The following SNRK variants were observed in gnomAD, a reference collection of about 807,000 sequenced individuals.
The protein encoded by SNRK is SNF-related serine/threonine-protein kinase.
A neutral mutation model predicts 48.2 loss-of-function variants in SNRK; 3 were observed. The observed-to-expected ratio is 0.06, with a 90% CI of 0.03 to 0.16. The LOEUF is 0.16. Ranked by LOEUF, SNRK falls within the 10% of genes least tolerant of loss-of-function variation. SNRK has a pLI of 1.00. For missense variants in SNRK, 627 were observed against 976.0 expected (o/e 0.64, Z 4.76); for synonymous variants, 376 against 366.1 (o/e 1.03, Z -0.31).
intron 1 of SNRK, among the ~76,000 whole-genome samples, chr3:43,292,652 G>A (rs1402122879): frequency 6.6e-6 from 1 of 152,114 alleles, no homozygotes; most frequent in Non-Finnish European, 1.5e-5. Flanking sequence ...TCCTAAGCCA[G>A]CCAGCTGTAG....
intron 3 of SNRK, among the ~76,000 whole-genome samples, chr3:43,314,570 C>G (rs1210142824): frequency 1.3e-5 from 2 of 152,052 alleles, no homozygotes; most frequent in Non-Finnish European, 2.9e-5. Flanking sequence ...TAGACTCTTT[C>G]CTATAAAAGA....
At chr3:43,312,777 AT>A (rs2090987904) in intron 3 of SNRK, among the ~76,000 whole-genome samples, 1 of 152,208 alleles carries the variant, frequency 6.6e-6, no homozygotes, top group Non-Finnish European at 1.5e-5. Flanking sequence ...TCAACACCAA[AT>A]CAATCGCTTT....
intron 3 of SNRK, among the ~76,000 whole-genome samples, chr3:43,320,078 G>A (rs1006408707): frequency 2.0e-5 from 3 of 152,120 alleles, no homozygotes; most frequent in Non-Finnish European, 4.4e-5. Context: ...ATGTAAAATA[G>A]TGTTCTTATT....
At chr3:43,326,017 A>G (rs545541662) in intron 3 of SNRK, among the ~76,000 whole-genome samples, 18 of 152,140 alleles carry the variant, frequency 1.2e-4, no homozygotes, top group Non-Finnish European at 2.5e-4. Context: ...AGGTTTGTAA[A>G]ATGATTTTAT....
At chr3:43,309,099 G>C (rs1352790844) in intron 3 of SNRK, among the ~76,000 whole-genome samples, 1 of 152,176 alleles carries the variant, frequency 6.6e-6, no homozygotes, top group African/African-American at 2.4e-5. Flanking sequence ...GCAGTCTCTT[G>C]ATAAAACTTG....
At chr3:43,300,835 A>C (rs1289862188) in intron 2 of SNRK, among the ~76,000 whole-genome samples, 1 of 152,178 alleles carries the variant, frequency 6.6e-6, no homozygotes, top group East Asian at 1.9e-4. Context: ...AAAAATCTTA[A>C]TAGTTTAAAA....
chr3:43,290,377 C>G (rs928470044), intron 1 of SNRK, among the ~76,000 whole-genome samples: 1 of 152,164 alleles, frequency 6.6e-6, no homozygotes, highest in Admixed American at 6.5e-5. Flanking sequence ...AGCAAATCCT[C>G]TACTTTCTGC....
In SNRK at chr3:43,303,877, C is replaced by T; in HGVS notation, c.589+85C>T. 9.8e-7 allele frequency: 1 copy of T among 1,019,222 alleles called. No individual in the cohort carries two copies. Among genetic ancestry groups the T allele is most frequent in the Non-Finnish European group, 1.5e-6 (1 of 689,000 alleles). 63.1% of individuals were successfully genotyped at this position (1,019,222 alleles called of 1,614,324 possible). On this transcript the variant is annotated intron_variant, in intron 3 of 6. Transcript: ENST00000296088. The surrounding 1 kb of genome is among the most constrained non-coding windows in gnomAD (Gnocchi z 6.2). ...TCGGTTGTTTATCTAAAAATGATTT[C>T]TAGAGAATTTCTGTTAAATTGGCCT...
chr3:43,336,352 G>C (rs1448559621), intron 4 of SNRK, among the ~76,000 whole-genome samples: 1 of 150,602 alleles, frequency 6.6e-6, no homozygotes, highest in Admixed American at 6.6e-5. Flanking sequence ...TTCTTAGACA[G>C]GGTCTTGCTT....
intron 3 of SNRK, among the ~76,000 whole-genome samples, chr3:43,321,846 C>A (rs1413682297): frequency 2.0e-5 from 3 of 152,198 alleles, no homozygotes; most frequent in African/African-American, 7.2e-5. Flanking sequence ...ATGGAGGCAT[C>A]TTTTAAAGCC....
chr3:43,331,931 TTG>T (rs1240991979), intron 3 of SNRK, among the ~76,000 whole-genome samples: 7 of 152,210 alleles, frequency 4.6e-5, no homozygotes, highest in Admixed American at 2.6e-4. Flanking sequence ...AGGCATTAAT[TTG>T]TCTCTTCATC....
chr3:43,328,022 C>G (rs2091108670), intron 3 of SNRK, among the ~76,000 whole-genome samples: 1 of 151,276 alleles, frequency 6.6e-6, no homozygotes, highest in Admixed American at 6.6e-5. Flanking sequence ...TTTTTATTAA[C>G]CAAGTGCCTA....
chr3:43,287,521 G>C (rs13069409), intron 1 of SNRK, among the ~76,000 whole-genome samples: 2 of 152,158 alleles, frequency 1.3e-5, no homozygotes, highest in African/African-American at 4.8e-5. Context: ...AGAGGTCTGA[G>C]GATATGGGAC....
intron 4 of SNRK, among the ~76,000 whole-genome samples, chr3:43,334,066 A>AACCCAGGAGGTGGAGGT (rs2125640768): frequency 6.6e-6 from 1 of 152,198 alleles, no homozygotes; most frequent in South Asian, 2.1e-4. Context: ...GAATCACTTG[A>AACCCAGGAGGTGGAGGT]ACCCAGGAGG....
chr3:43,342,964 A>G (rs1029531618), intron 5 of SNRK, among the ~76,000 whole-genome samples: 1 of 152,266 alleles, frequency 6.6e-6, no homozygotes, highest in Non-Finnish European at 1.5e-5. Flanking sequence ...CTTCGTCTTC[A>G]TGTACTTCTA....
intron 3 of SNRK, among the ~76,000 whole-genome samples, chr3:43,318,395 G>A (rs2091028660): frequency 6.6e-6 from 1 of 152,080 alleles, no homozygotes; most frequent in African/African-American, 2.4e-5. Context: ...TTGATAGCAG[G>A]TTAGTTTCTT....
chr3:43,326,105 GTGAT>G (rs1365183366), intron 3 of SNRK, among the ~76,000 whole-genome samples: 1 of 152,104 alleles, frequency 6.6e-6, no homozygotes, highest in African/African-American at 2.4e-5. Flanking sequence ...CCCACAATAT[GTGAT>G]TGATAACACT....
chr3:43,289,597 C>G (rs2090794156), intron 1 of SNRK: 2 of 152,720 alleles, frequency 1.3e-5, no homozygotes, highest in South Asian at 4.1e-4. Flanking sequence ...TGATCCTCAT[C>G]TGCTTTTCTG....
Position 43,317,160 on chromosome 3 carries a change from A to C in SNRK, c.589+13368A>C, listed in dbSNP as rs566431727. The stretch of plus-strand genomic sequence containing the variant: ...TTAATATTTATATAAATTTCAAAGC[A>C]GAACTCATACGCTGAATCTGGGTAG... On this transcript the variant is annotated intron_variant, in intron 3 of 6. Coordinates refer to ENST00000296088, the MANE Select transcript of SNRK (RefSeq NM_017719.5). 3.3e-5 allele frequency among the ~76,000 whole-genome samples: 5 copies of C among 152,366 alleles called. No individual in the cohort carries two copies. The East Asian group carries it at 7.7e-4, about 23-fold the overall frequency.
Sources: gnomAD v4.1 joint callset for allele counts (sites outside exome capture counted in the v4.1 genomes callset) on GRCh38, gnomAD v4.1.1 for gene constraint, Gnocchi (gnomAD v3.1) non-coding constraint, MANE v1.5 for transcripts, NCBI Gene and HGNC (gene_info 2026-07-23, HGNC 2026-07-21) for gene names.